Variants in KCND3 observed in about 807,000 individuals in gnomAD.
The protein encoded by KCND3 is potassium voltage-gated channel subfamily D member 3.
Under a neutral mutation model 51.1 loss-of-function variants are expected in KCND3, and 9 were observed. The observed-to-expected ratio is 0.18, with a 90% CI of 0.11 to 0.31. KCND3 has a LOEUF of 0.31. KCND3 is among the 10% of genes least tolerant of loss of function. The probability of loss-of-function intolerance (pLI) is 1.00; values close to 1 mark genes in which losing one functional copy is unlikely to be tolerated. For missense variants in KCND3, 526 were observed against 903.8 expected, an observed-to-expected ratio of 0.58 and a Z score of 5.36; for synonymous variants, 349 against 368.0, an observed-to-expected ratio of 0.95 and a Z score of 0.59.
At chr1:111,942,543 C>T (rs1056511523) in intron 2 of KCND3, among the ~76,000 whole-genome samples, 9 of 152,172 alleles carry the variant, frequency 5.9e-5, no homozygotes, top group Non-Finnish European at 1.2e-4. Flanking sequence ...CAGGCACTGT[C>T]CCCACAGTTC....
intron 2 of KCND3, among the ~76,000 whole-genome samples, chr1:111,842,241 C>G (rs1571725096): frequency 1.3e-5 from 2 of 152,190 alleles, no homozygotes; most frequent in Admixed American, 1.3e-4. Context: ...TGGGTCAGTG[C>G]TGGGCTCCAC....
At chr1:111,976,018 C>A (rs1442863026) in intron 2 of KCND3, among the ~76,000 whole-genome samples, 1 of 152,158 alleles carries the variant, frequency 6.6e-6, no homozygotes, top group South Asian at 2.1e-4. Flanking sequence ...TTGTCATATC[C>A]GGCTTTAATT....
chr1:111,860,434 T>C (rs1668284613), intron 2 of KCND3, among the ~76,000 whole-genome samples: 1 of 152,188 alleles, frequency 6.6e-6, no homozygotes, highest in South Asian at 2.1e-4. Context: ...CTGACAGCTC[T>C]GTCTAGGATA....
intron 2 of KCND3, among the ~76,000 whole-genome samples, chr1:111,956,330 C>T (rs1673339228): frequency 1.3e-5 from 2 of 152,182 alleles, no homozygotes; most frequent in South Asian, 4.1e-4. Flanking sequence ...AGTGCTCCCG[C>T]CAGTCGCCTC....
chr1:111,822,758 T>C (rs144798145), intron 2 of KCND3, among the ~76,000 whole-genome samples: 36 of 152,350 alleles, frequency 2.4e-4, no homozygotes, highest in Admixed American at 2.4e-3. Flanking sequence ...TGCTGGATCA[T>C]ATGGTAAGCT....
intron 2 of KCND3, among the ~76,000 whole-genome samples, chr1:111,864,472 T>G (rs1267703973): frequency 6.6e-6 from 1 of 152,274 alleles, no homozygotes; most frequent in African/African-American, 2.4e-5. Flanking sequence ...AATGTAATTC[T>G]TGATAATTAT....
chr1:111,902,276 A>G (rs1468120288), intron 2 of KCND3, among the ~76,000 whole-genome samples: 2 of 152,196 alleles, frequency 1.3e-5, no homozygotes, highest in Admixed American at 1.3e-4. Flanking sequence ...CAGGGATTAA[A>G]GGGGTAACGG....
intron 2 of KCND3, among the ~76,000 whole-genome samples, chr1:111,834,916 T>C (rs1396493530): frequency 6.6e-6 from 1 of 152,192 alleles, no homozygotes; most frequent in Admixed American, 6.5e-5. Context: ...CTTCTTAAAA[T>C]GTGGGCCCTG....
intron 2 of KCND3, among the ~76,000 whole-genome samples, chr1:111,793,531 A>G (rs1664931505): frequency 6.6e-6 from 1 of 152,196 alleles, no homozygotes; most frequent in South Asian, 2.1e-4. Flanking sequence ...TGCTCAAAGC[A>G]CTTCAATAAA....
intron 2 of KCND3, among the ~76,000 whole-genome samples, chr1:111,860,522 G>A (rs494643): frequency 0.74 from 112,371 of 151,890 alleles, 43,237 homozygotes; most frequent in Non-Finnish European, 0.86. Context: ...CATGGTTACA[G>A]CTTCTCAGTC....
In KCND3 at chr1:111,918,745, T is replaced by G. The variant is rs186295949; in HGVS notation, c.1106+62876A>C. 5.3e-5 allele frequency among the ~76,000 whole-genome samples: 8 copies of G among 152,170 alleles called. No homozygotes were observed. In the East Asian group the frequency reaches 1.4e-3, roughly 26 times the overall value. ...TTTCCTTTGTTGCCCAAAGGAAGTA[T>G]GGGAAGTACTTTTCCAGGCTGGAGG... On this transcript the variant is annotated intron_variant, in intron 2 of 7. Coordinates refer to ENST00000302127, the MANE Select transcript of KCND3 (RefSeq NM_001378969.1).
intron 2 of KCND3, among the ~76,000 whole-genome samples, chr1:111,951,661 T>C (rs142391309): frequency 1.1e-4 from 16 of 152,300 alleles, no homozygotes; most frequent in African/African-American, 3.8e-4. Flanking sequence ...CCTGCCCTTG[T>C]GGAGTTCACA....
chr1:111,865,125 T>C (rs1668500612), intron 2 of KCND3, among the ~76,000 whole-genome samples: 1 of 152,234 alleles, frequency 6.6e-6, no homozygotes, highest in African/African-American at 2.4e-5. Flanking sequence ...GGGTGAACCA[T>C]GCTGTGACTT....
chr1:111,893,379 C>T (rs6697691), intron 2 of KCND3, among the ~76,000 whole-genome samples: 32,134 of 151,850 alleles, frequency 0.21, 3,491 homozygotes, highest in East Asian at 0.33. Context: ...AGGGAGAAGG[C>T]CCTCAGGAGG....
chr1:111,943,154 C>T (rs1557735278), intron 2 of KCND3, among the ~76,000 whole-genome samples: 2 of 151,812 alleles, frequency 1.3e-5, no homozygotes, highest in East Asian at 1.9e-4. Context: ...ATGGACGGGG[C>T]GGGGTGGCAT....
Position 111,942,066 on chromosome 1 carries a change from T to C in KCND3, c.1106+39555A>G, listed in dbSNP as rs534486050. On this transcript the variant is annotated intron_variant, in intron 2 of 7. Transcript: ENST00000302127. ...ATAAGAGAAAAATACCTCTGCCCTTTTGCCCACCTGAACCCTGGTGGGCAC... is the reference window on the plus strand; with the variant it reads ...ATAAGAGAAAAATACCTCTGCCCTTCTGCCCACCTGAACCCTGGTGGGCAC... Among the ~76,000 whole-genome samples, 10 of 152,312 alleles carry C rather than the reference T, an allele frequency of 6.6e-5. No individual in the cohort carries two copies. In the East Asian group the frequency reaches 1.9e-3, roughly 29 times the overall value.
chr1:111,859,674 C>T (rs1023709030), intron 2 of KCND3, among the ~76,000 whole-genome samples: 2 of 152,226 alleles, frequency 1.3e-5, no homozygotes, highest in Admixed American at 1.3e-4. Context: ...GCTACAACTT[C>T]ACTCCTCAGT....
At chr1:111,830,534 A>G (rs1224556855) in intron 2 of KCND3, among the ~76,000 whole-genome samples, 1 of 152,218 alleles carries the variant, frequency 6.6e-6, no homozygotes, top group Non-Finnish European at 1.5e-5. Context: ...TCTCAGGGAC[A>G]ACCCTACCCT....
intron 2 of KCND3, among the ~76,000 whole-genome samples, chr1:111,879,432 C>T (rs1247538081): frequency 1.3e-5 from 2 of 152,206 alleles, no homozygotes; most frequent in African/African-American, 2.4e-5. Flanking sequence ...CCAGGAAACT[C>T]AGCATGAAGG....
Sources: gnomAD v4.1 joint callset for allele counts (sites outside exome capture counted in the v4.1 genomes callset) on GRCh38, gnomAD v4.1.1 for gene constraint, MANE v1.5 for transcripts, NCBI Gene and HGNC (gene_info 2026-07-23, HGNC 2026-07-21) for gene names.